CAGE1: variants seen among roughly 807,000 people sequenced by gnomAD.
CAGE1 encodes cancer antigen 1.
A neutral mutation model predicts 94.9 loss-of-function variants in CAGE1; 66 were observed. The observed-to-expected ratio is 0.70, with a 90% confidence interval of 0.57 to 0.85. CAGE1 has a LOEUF of 0.85. Among genes scored for constraint, CAGE1 ranks in the 40% least tolerant of loss-of-function variants. CAGE1 has a pLI of 0.00. For synonymous variants in CAGE1, 319 were observed against 321.0 expected (o/e 0.99, Z 0.07); for missense variants, 865 against 950.4 (o/e 0.91, Z 1.18).
chr6:7,384,005 G>A (rs1297049279), intron 3 of CAGE1, among the ~76,000 whole-genome samples: 1 of 152,110 alleles, frequency 6.6e-6, no homozygotes, highest in Non-Finnish European at 1.5e-5. Context: ...TTTCTTATTA[G>A]TTTTAATAGC....
rs750029374 is a variant in CAGE1 at position 7,378,840 on chromosome 6, T to C, written c.464A>G (p.Asn155Ser). Residue 155 changes from asparagine to serine, a missense_variant, in exon 4 of 14, where the codon AAT (asparagine) becomes AGT (serine). Transcript: ENST00000502583. ...SQVYNYAKDN[N>S]IKQDSFKEEN... ...TTCCTTAAATGAGTCTTGCTTTATA[T>C]TGTTGTCTTTTGCATAATTATACAC... 6 of 1,612,742 alleles carry C rather than the reference T, an allele frequency of 3.7e-6. No individual in the cohort carries two copies. The African/African-American group carries it at 4.0e-5, about 11-fold the overall frequency.
chr6:7,385,031 G>C (rs1460680469), intron 3 of CAGE1, among the ~76,000 whole-genome samples: 1 of 151,556 alleles, frequency 6.6e-6, no homozygotes. Context: ...TTGAGATGGA[G>C]TTTCGCTCTT....
intron 9 of CAGE1, among the ~76,000 whole-genome samples, chr6:7,357,453 T>C (rs985985160): frequency 1.3e-5 from 2 of 152,298 alleles, no homozygotes; most frequent in Non-Finnish European, 2.9e-5. Flanking sequence ...CAATTTCTCT[T>C]TTTCATTATA....
chr6:7,372,369 G>T (rs562848414), intron 5 of CAGE1, among the ~76,000 whole-genome samples: 1 of 151,802 alleles, frequency 6.6e-6, no homozygotes, highest in South Asian at 2.1e-4. Context: ...TACTCCGGAG[G>T]CTGAGGCAAG....
intron 11 of CAGE1, chr6:7,347,364 G>A (rs1482458027): frequency 2.6e-5 from 4 of 152,194 alleles, no homozygotes; most frequent in East Asian, 3.9e-4. Flanking sequence ...AGAAGTTTCC[G>A]ACCTTACCTG....
chr6:7,366,495 T>C (rs745787797), intron 7 of CAGE1, among the ~76,000 whole-genome samples: 5 of 152,118 alleles, frequency 3.3e-5, no homozygotes, highest in Admixed American at 6.5e-5. Flanking sequence ...AGCATGGGCA[T>C]CTACTTTCCT....
At chr6:7,364,743 C>T (rs1760268716) in intron 9 of CAGE1, among the ~76,000 whole-genome samples, 1 of 152,034 alleles carries the variant, frequency 6.6e-6, no homozygotes, top group Non-Finnish European at 1.5e-5. Flanking sequence ...GCTTGGATTA[C>T]AGGCATGAGC....
At position 7,381,901 on chromosome 6, in the gene CAGE1, G is replaced by A. The variant is rs552310007; in HGVS notation, c.284-2881C>T. On this transcript the variant is annotated intron_variant, in intron 3 of 13. Coordinates refer to ENST00000502583, the MANE Select transcript of CAGE1 (RefSeq NM_001170692.2). ...TGTCCCCAGGCTGGAGTGCAGTGGC[G>A]CGATCTCGGCTCGCTGCAAGCTCTG... is the stretch of plus-strand genomic sequence containing the variant. 4.1e-5 allele frequency among the ~76,000 whole-genome samples: 6 copies of A among 146,688 alleles called. No individual in the cohort carries two copies. The East Asian group carries it at 6.2e-4, about 15-fold the overall frequency.
intron 4 of CAGE1, among the ~76,000 whole-genome samples, chr6:7,376,455 T>C (rs1760749097): frequency 6.6e-6 from 1 of 151,872 alleles, no homozygotes; most frequent in Admixed American, 6.6e-5. Context: ...TAGTTTGGCC[T>C]CCACTTGCTC....
Position 7,358,034 on chromosome 6 carries a change from A to ATATATG in CAGE1, c.2194-1906_2194-1905insCATATA, listed in dbSNP as rs1288523295. Among the ~76,000 whole-genome samples, 22 of 34,976 alleles carry ATATATG rather than the reference A, an allele frequency of 6.3e-4. No individual in the cohort carries two copies. The South Asian group carries it at 0.011, about 17-fold the overall frequency. 22.9% of individuals were successfully genotyped at this position (34,976 alleles called of 152,430 possible). On this transcript the variant is annotated intron_variant, in intron 9 of 13. Coordinates refer to ENST00000502583, the MANE Select transcript of CAGE1 (RefSeq NM_001170692.2). ...CGGTTAGGTAAGTTTTGAGATATATATATATATATATATATATATATATAT... is the reference window on the plus strand; with the variant it reads ...CGGTTAGGTAAGTTTTGAGATATATATATATGTATATATATATATATATATATATAT...
intron 11 of CAGE1, among the ~76,000 whole-genome samples, chr6:7,353,116 T>C (rs1759840537): frequency 6.6e-6 from 1 of 151,552 alleles, no homozygotes; most frequent in South Asian, 2.1e-4. Context: ...ACCCACAGAG[T>C]GGGAGAAAAT....
intron 11 of CAGE1, among the ~76,000 whole-genome samples, chr6:7,345,724 G>A (rs907296063): frequency 5.3e-5 from 8 of 151,762 alleles, no homozygotes; most frequent in African/African-American, 1.5e-4. Context: ...TCAGGAAATT[G>A]AGACCATCCT....
At chr6:7,350,199 A>G (rs1759721659) in intron 11 of CAGE1, among the ~76,000 whole-genome samples, 1 of 152,194 alleles carries the variant, frequency 6.6e-6, no homozygotes, top group Admixed American at 6.5e-5. Context: ...GTCCAACAGG[A>G]AAATATCACA....
intron 13 of CAGE1, among the ~76,000 whole-genome samples, chr6:7,327,272 C>T (rs1211933284): frequency 6.6e-6 from 1 of 152,072 alleles, no homozygotes; most frequent in African/African-American, 2.4e-5. Context: ...AGGCTAGTCT[C>T]GAACCCCTGA....
chr6:7,343,816 T>C (rs9379091), intron 11 of CAGE1, among the ~76,000 whole-genome samples: 1 of 152,050 alleles, frequency 6.6e-6, no homozygotes, highest in South Asian at 2.1e-4. Flanking sequence ...GGAAATGAAC[T>C]GGAACATTTT....
At chr6:7,345,431 G>T (rs1324020144) in intron 11 of CAGE1, among the ~76,000 whole-genome samples, 1 of 152,180 alleles carries the variant, frequency 6.6e-6, no homozygotes, top group Non-Finnish European at 1.5e-5. Flanking sequence ...GCAGGGGTCT[G>T]TGGTTTCATT....
At chr6:7,345,490 C>T (rs951432034) in intron 11 of CAGE1, among the ~76,000 whole-genome samples, 1 of 152,202 alleles carries the variant, frequency 6.6e-6, no homozygotes, top group African/African-American at 2.4e-5. Flanking sequence ...ATGGCATACT[C>T]ACATTATATT....
Position 7,329,849 on chromosome 6 carries a change from C to A in CAGE1, c.2478G>T (p.Met826Ile). ...TATCATGATCATCAAGGTGACCTACCATGGTCATGGACTTCGGATGATTTT... is the reference window on the plus strand; with the variant it reads ...TATCATGATCATCAAGGTGACCTACAATGGTCATGGACTTCGGATGATTTT... The part of the protein sequence containing the change: ...SLENHPKSMT[M>I]MPALFKENRN... Residue 826 changes from methionine (M) to isoleucine (I), a missense_variant and splice_region_variant, in exon 13 of 14, where the codon ATG becomes ATT. Met to Ile is a conservative substitution (Grantham distance 10, BLOSUM62 1). Coordinates refer to ENST00000502583, the MANE Select transcript of CAGE1 (RefSeq NM_001170692.2). 7.0e-7 allele frequency: 1 copy of A among 1,424,346 alleles called. No homozygotes were observed. The highest frequency in any genetic ancestry group is 9.8e-7 in the Non-Finnish European group (1 of 1,021,212). The allele number at this position is 1,424,346 out of a possible 1,614,324, so 88.2% of individuals were successfully genotyped here. A position where few individuals can be genotyped will look rare whatever the true frequency, so the allele number is the denominator to read the frequency against.
chr6:7,347,753 C>G (rs1759615655), intron 11 of CAGE1, among the ~76,000 whole-genome samples: 1 of 151,956 alleles, frequency 6.6e-6, no homozygotes, highest in African/African-American at 2.4e-5. Flanking sequence ...TGAGACAGGC[C>G]CTTTGGATTG....
Sources: gnomAD v4.1 joint callset for allele counts (sites outside exome capture counted in the v4.1 genomes callset) on GRCh38, gnomAD v4.1.1 for gene constraint, MANE v1.5 for transcripts, NCBI Gene and HGNC (gene_info 2026-07-23, HGNC 2026-07-21) for gene names.